EIF4EBP2: variants seen among roughly 807,000 people sequenced by gnomAD.
EIF4EBP2 encodes the protein eukaryotic translation initiation factor 4E-binding protein 2.
In EIF4EBP2, 5 loss-of-function variants were observed where a neutral mutation model predicts 10.3. The observed-to-expected ratio is 0.48, with a 90% CI of 0.25 to 1.02. The LOEUF is 1.02. EIF4EBP2 is among the 50% of genes least tolerant of loss of function. The pLI, the probability that EIF4EBP2 is intolerant of heterozygous loss-of-function variation, is 0.15. For synonymous variants in EIF4EBP2, 67 were observed against 61.1 expected (o/e 1.10, Z -0.45); for missense variants, 188 against 162.2 (o/e 1.16, Z -0.86).
intron 1 of EIF4EBP2, among the ~76,000 whole-genome samples, chr10:70,417,655 AT>A (rs1845111677): frequency 6.6e-6 from 1 of 152,164 alleles, no homozygotes; most frequent in Non-Finnish European, 1.5e-5. Context: ...GTTGTTGCTG[AT>A]ACATAATTTA....
chr10:70,415,902 A>G (rs1473091174), intron 1 of EIF4EBP2, among the ~76,000 whole-genome samples: 1 of 152,178 alleles, frequency 6.6e-6, no homozygotes, highest in Non-Finnish European at 1.5e-5. Context: ...ATTGGACATC[A>G]TGAAAATTAA....
rs1845187838 is a variant in EIF4EBP2, at chr10:70,424,458, A to G, written c.*2711A>G. The G allele has an allele frequency of 6.6e-6, 1 of 152,222 alleles. No homozygotes were observed. Among genetic ancestry groups the G allele is most frequent in the African/African-American group, 2.4e-5 (1 of 41,462 alleles). 9.4% of individuals were successfully genotyped at this position (152,222 alleles called of 1,614,324 possible). A position where few individuals can be genotyped will look rare whatever the true frequency, so the allele number is the denominator to read the frequency against. On this transcript the variant is annotated 3_prime_UTR_variant, in exon 3 of 3. Coordinates refer to ENST00000373218, the MANE Select transcript of EIF4EBP2 (RefSeq NM_004096.5). Reference sequence around the variant, plus strand: ...TCACAAGGCATGAGATAAACTTTCAATAGATGATACCTTTGTGTCATGCCT... The same window carrying G: ...TCACAAGGCATGAGATAAACTTTCAGTAGATGATACCTTTGTGTCATGCCT...
chr10:70,405,512 C>G (rs1375694484), intron 1 of EIF4EBP2, among the ~76,000 whole-genome samples: 4 of 152,168 alleles, frequency 2.6e-5, no homozygotes, highest in East Asian at 1.9e-4. Context: ...TTTTGAGGAG[C>G]CTTATTGAAG....
intron 1 of EIF4EBP2, among the ~76,000 whole-genome samples, chr10:70,410,644 G>A (rs1265595139): frequency 1.3e-5 from 2 of 152,336 alleles, no homozygotes; most frequent in African/African-American, 2.4e-5. Context: ...ACCTTCCTAA[G>A]TTGAAAGAAT....
chr10:70,425,189 A>G lies in EIF4EBP2; in HGVS notation c.*3442A>G, dbSNP rs1420296703. On this transcript the variant is annotated 3_prime_UTR_variant, in exon 3 of 3. Transcript: ENST00000373218. ...TGCGTAGGGCAGCATGAGTGTCCTCACACCATGACACCTGGCTTCTCCCTG... is the reference window on the plus strand; with the variant it reads ...TGCGTAGGGCAGCATGAGTGTCCTCGCACCATGACACCTGGCTTCTCCCTG... The G allele has an allele frequency of 6.6e-6, 1 of 152,214 alleles. No homozygotes were observed. The highest frequency in any genetic ancestry group is 1.5e-5 in the Non-Finnish European group (1 of 68,050). 9.4% of individuals were successfully genotyped at this position (152,214 alleles called of 1,614,324 possible). A position where few individuals can be genotyped will look rare whatever the true frequency, so the allele number is the denominator to read the frequency against.
Position 70,404,339 on chromosome 10 carries a change from C to G in EIF4EBP2, c.-63C>G. The G allele has an allele frequency of 1.4e-6, 2 of 1,470,620 alleles. No homozygotes were observed. Among genetic ancestry groups the G allele is most frequent in the Non-Finnish European group, 1.8e-6 (2 of 1,114,614 alleles). The allele number at this position is 1,470,620 out of a possible 1,614,324, so 91.1% of individuals were successfully genotyped here. A position where few individuals can be genotyped will look rare whatever the true frequency, so the allele number is the denominator to read the frequency against. On this transcript the variant is annotated 5_prime_UTR_variant, in exon 1 of 3. Coordinates refer to ENST00000373218, the MANE Select transcript of EIF4EBP2 (RefSeq NM_004096.5). ...TTTCCGTCCGCCTGAGGAGCCGAAG[C>G]AGCCCCGGCCCCGCCGCCGCCGCCT...
chr10:70,406,912 T>TAGGC, intron 1 of EIF4EBP2, among the ~76,000 whole-genome samples: 1 of 152,094 alleles, frequency 6.6e-6, no homozygotes, highest in Non-Finnish European at 1.5e-5. Context: ...TTTATTTATT[T>TAGGC]TTGGAGACGG....
chr10:70,416,647 T>G (rs1373978862), intron 1 of EIF4EBP2, among the ~76,000 whole-genome samples: 1 of 142,006 alleles, frequency 7.0e-6, no homozygotes, highest in Non-Finnish European at 1.5e-5. Flanking sequence ...GACCCAGTAG[T>G]TCTACCTTAA....
rs59073561 is a variant in EIF4EBP2, at chr10:70,404,500, C to T, written c.99C>T (p.Asp33=). The part of the protein sequence containing the change: ...AISDAAQLPH[D]YCTTPGGTLF... ...GCGACGCCGCGCAGCTACCTCATGACTATTGCACCACGCCCGGGGGGACGC... is the reference window on the plus strand; with the variant it reads ...GCGACGCCGCGCAGCTACCTCATGATTATTGCACCACGCCCGGGGGGACGC... The change falls in exon 1 of 3, where the codon GAC becomes GAT. Residue 33 remains aspartate, a synonymous_variant. Transcript: ENST00000373218. 6.3e-7 allele frequency: 1 copy of T among 1,595,984 alleles called. No individual in the cohort carries two copies. Among genetic ancestry groups the T allele is most frequent in the Admixed American group, 1.7e-5 (1 of 59,056 alleles).
At position 70,423,287 on chromosome 10, in the gene EIF4EBP2, C is replaced by T. The variant is rs572260864; in HGVS notation, c.*1540C>T. ...TCCCCCAGGAGCTCTTTCCTTTCCC[C>T]TCTAGTTTTGGGTGTGCATGTTTGG... On this transcript the variant is annotated 3_prime_UTR_variant, in exon 3 of 3. Coordinates refer to ENST00000373218, the MANE Select transcript of EIF4EBP2 (RefSeq NM_004096.5). The T allele has an allele frequency of 3.3e-4, 50 of 152,778 alleles. No individual in the cohort carries two copies. The highest frequency in any genetic ancestry group is 2.0e-3 in the Admixed American group (30 of 15,288). The allele number at this position is 152,778 out of a possible 1,614,324, so 9.5% of individuals were successfully genotyped here.
rs1274595003 is a variant in EIF4EBP2, at chr10:70,425,352, A to G, written c.*3605A>G. 6.6e-6 allele frequency: 1 copy of G among 152,274 alleles called. No individual in the cohort carries two copies. Among genetic ancestry groups the G allele is most frequent in the South Asian group, 2.1e-4 (1 of 4,834 alleles). 9.4% of individuals were successfully genotyped at this position (152,274 alleles called of 1,614,324 possible). A position where few individuals can be genotyped will look rare whatever the true frequency, so the allele number is the denominator to read the frequency against. ...AGCCACTAAGTTCAGCCTGCACTCA[A>G]GGAGAGAGGAATTACACATACCTCT... On this transcript the variant is annotated 3_prime_UTR_variant, in exon 3 of 3. Coordinates refer to ENST00000373218, the MANE Select transcript of EIF4EBP2 (RefSeq NM_004096.5).
Position 70,404,409 on chromosome 10 carries a change from C to T in EIF4EBP2, c.8C>T (p.Ser3Leu), listed in dbSNP as rs751923485. The change falls in exon 1 of 3, where the codon TCG (serine) becomes TTG (leucine). Residue 3 changes from serine (S) to leucine (L), a missense_variant. Coordinates refer to ENST00000373218, the MANE Select transcript of EIF4EBP2 (RefSeq NM_004096.5). The part of the protein sequence containing the change: MS[S>L]SAGSGHQPSQ... The stretch of plus-strand genomic sequence containing the variant: ...GAGCCCGCGCCCACAGCCATGTCCT[C>T]GTCAGCCGGCAGCGGCCACCAGCCC... 34 of 1,584,656 alleles carry T rather than the reference C, an allele frequency of 2.1e-5. No homozygotes were observed. The South Asian group carries it at 3.3e-4, about 15-fold the overall frequency.
intron 1 of EIF4EBP2, among the ~76,000 whole-genome samples, chr10:70,407,174 C>A (rs1286551869): frequency 1.4e-5 from 2 of 147,150 alleles, no homozygotes; most frequent in Non-Finnish European, 3.0e-5. Flanking sequence ...GGGGATTTGG[C>A]AGGGTCACAG....
chr10:70,420,066 A>G lies in EIF4EBP2; in HGVS notation c.298A>G (p.Asn100Asp), dbSNP rs1470697467. 1.2e-6 allele frequency: 2 copies of G among 1,610,300 alleles called. No homozygotes were observed. Among genetic ancestry groups the G allele is most frequent in the South Asian group, 1.1e-5 (1 of 90,114 alleles). Residue 100 changes from asparagine (N) to aspartate (D), a missense_variant, in exon 2 of 3, where the codon AAC (asparagine) becomes GAC (aspartate). Transcript: ENST00000373218. ...CAAAGTAGAAGTAAACAATTTGAAC[A>G]ACTTGAACAATCACGACAGGAAACA... is the stretch of plus-strand genomic sequence containing the variant. The part of the protein sequence containing the change: ...DSKVEVNNLN[N>D]LNNHDRKHAV...
intron 1 of EIF4EBP2, among the ~76,000 whole-genome samples, chr10:70,415,868 CAAAAGA>C (rs1323760472): frequency 5.1e-5 from 7 of 136,422 alleles, no homozygotes; most frequent in African/African-American, 1.9e-4. Context: ...AAAGCACAAA[CAAAAGA>C]AAAAAAAAAA....
rs1034767506 is a variant in EIF4EBP2 at position 70,425,442 on chromosome 10, G to A, written c.*3695G>A. The A allele has an allele frequency of 6.6e-6, 1 of 152,260 alleles. No individual in the cohort carries two copies. The highest frequency in any genetic ancestry group is 1.5e-5 in the Non-Finnish European group (1 of 68,052). The allele number at this position is 152,260 out of a possible 1,614,324, so 9.4% of individuals were successfully genotyped here. On this transcript the variant is annotated 3_prime_UTR_variant, in exon 3 of 3. Transcript: ENST00000373218. Reference sequence around the variant, plus strand: ...TTAAAAGCACCACACCCCAACTGGGGATGAAAGTAGGTCAACAGGGAGGTA... The same window carrying A: ...TTAAAAGCACCACACCCCAACTGGGAATGAAAGTAGGTCAACAGGGAGGTA...
At chr10:70,408,939 G>T (rs896935425) in intron 1 of EIF4EBP2, among the ~76,000 whole-genome samples, 3 of 152,166 alleles carry the variant, frequency 2.0e-5, no homozygotes, top group Non-Finnish European at 4.4e-5. Context: ...AACATTTCCT[G>T]CCTCAAACTT....
At chr10:70,410,767 A>C (rs1006068440) in intron 1 of EIF4EBP2, among the ~76,000 whole-genome samples, 1 of 152,214 alleles carries the variant, frequency 6.6e-6, no homozygotes, top group Admixed American at 6.5e-5. Context: ...TTCTGAGTGC[A>C]TTAGAAGCAC....
chr10:70,405,084 G>A (rs1006008626), intron 1 of EIF4EBP2, among the ~76,000 whole-genome samples: 2 of 152,234 alleles, frequency 1.3e-5, no homozygotes, highest in Admixed American at 1.3e-4. Flanking sequence ...CGCTTTGACA[G>A]CATTGTTTAC....
Sources: gnomAD v4.1 joint callset for allele counts (sites outside exome capture counted in the v4.1 genomes callset) on GRCh38, gnomAD v4.1.1 for gene constraint, MANE v1.5 for transcripts, NCBI Gene and HGNC (gene_info 2026-07-23, HGNC 2026-07-21) for gene names.